The following NELL1 variants were observed in gnomAD, a reference collection of about 807,000 sequenced individuals.
NELL1 encodes the protein protein kinase C-binding protein NELL1.
NELL1 carries 76 observed loss-of-function variants against 107.4 expected under a neutral mutation model. The ratio of observed to expected loss-of-function variants is 0.71; its 90% CI spans 0.59 to 0.86. The LOEUF is 0.86. Ranked by LOEUF, NELL1 falls within the 40% of genes least tolerant of loss-of-function variation. NELL1 has a pLI of 0.00. For missense variants in NELL1, 1,024 were observed against 1,005.5 expected (o/e 1.02, Z -0.25); for synonymous variants, 353 against 341.2 (o/e 1.03, Z -0.38).
At chr11:21,225,970 G>A (rs1857882473) in intron 13 of NELL1, among the ~76,000 whole-genome samples, 3 of 152,132 alleles carry the variant, frequency 2.0e-5, no homozygotes, top group Admixed American at 2.0e-4. Flanking sequence ...CCTTGCAATT[G>A]GCAAACCAGG....
At chr11:21,337,789 T>TTTCTTTCTTTCTTTCC (rs1850453907) in intron 14 of NELL1, among the ~76,000 whole-genome samples, 1 of 134,582 alleles carries the variant, frequency 7.4e-6, no homozygotes, top group Non-Finnish European at 1.6e-5. Flanking sequence ...TCTTTCTTTC[T>TTTCTTTCTTTCTTTCC]TTCTTTCCTT....
chr11:20,957,912 G>A (rs1851211009), intron 11 of NELL1, among the ~76,000 whole-genome samples: 1 of 152,080 alleles, frequency 6.6e-6, no homozygotes, highest in African/African-American at 2.4e-5. Flanking sequence ...ATGAGAGCTT[G>A]AGAAGAAAGA....
intron 13 of NELL1, among the ~76,000 whole-genome samples, chr11:21,158,340 T>C (rs1856290670): frequency 6.6e-6 from 1 of 152,174 alleles, no homozygotes; most frequent in Non-Finnish European, 1.5e-5. Context: ...TCAATACTCC[T>C]CAATAAACTC....
intron 4 of NELL1, among the ~76,000 whole-genome samples, chr11:20,865,068 G>GTT (rs796669185): frequency 1.6e-4 from 25 of 152,312 alleles, no homozygotes; most frequent in African/African-American, 6.0e-4. Flanking sequence ...ATCCATGACA[G>GTT]TTTTGGGGGG....
In NELL1 at chr11:21,326,060, T is replaced by G. The variant is rs910435250; in HGVS notation, c.1550-44793T>G. On this transcript the variant is annotated intron_variant, in intron 14 of 19. Coordinates refer to ENST00000357134, the MANE Select transcript of NELL1 (RefSeq NM_006157.5). ...TTGTGTTAATCCTAGTTTTTTTTTTTTTTTTTTTTTTTTTTTTTTTTGGGC... is the reference window on the plus strand; with the variant it reads ...TTGTGTTAATCCTAGTTTTTTTTTTGTTTTTTTTTTTTTTTTTTTTTGGGC... 1.1e-3 allele frequency among the ~76,000 whole-genome samples: 86 copies of G among 81,686 alleles called. 2 individuals are homozygous for G. The highest frequency in any genetic ancestry group is 0.01 in the Middle Eastern group (2 of 196). 53.6% of individuals were successfully genotyped at this position (81,686 alleles called of 152,430 possible). A position where few individuals can be genotyped will look rare whatever the true frequency, so the allele number is the denominator to read the frequency against.
intron 10 of NELL1, among the ~76,000 whole-genome samples, chr11:20,938,936 C>CTGTG (rs1341026131): frequency 2.8e-4 from 12 of 42,418 alleles, no homozygotes; most frequent in African/African-American, 5.3e-4. Flanking sequence ...CTCTCTCTCT[C>CTGTG]TCTCTGTGTG....
chr11:20,904,568 C>G (rs1849951673), intron 5 of NELL1, among the ~76,000 whole-genome samples: 1 of 152,110 alleles, frequency 6.6e-6, no homozygotes. Context: ...CATTCAAAAT[C>G]ACCTGTGTGT....
At chr11:21,360,269 T>C (rs138574394) in intron 14 of NELL1, among the ~76,000 whole-genome samples, 43 of 152,278 alleles carry the variant, frequency 2.8e-4, no homozygotes, top group African/African-American at 9.9e-4. Context: ...CAAGAGCAGA[T>C]TATTTAATTT....
At chr11:20,744,566 T>C (rs1855962887) in intron 2 of NELL1, among the ~76,000 whole-genome samples, 1 of 152,178 alleles carries the variant, frequency 6.6e-6, no homozygotes, top group African/African-American at 2.4e-5. Flanking sequence ...TTTATAGTAG[T>C]TTAAGCTCAA....
chr11:21,481,342 T>C (rs1180794915), intron 15 of NELL1, among the ~76,000 whole-genome samples: 2 of 152,142 alleles, frequency 1.3e-5, no homozygotes, highest in Non-Finnish European at 2.9e-5. Context: ...AGCAGTGAAA[T>C]GATGAAAGTT....
At chr11:21,248,753 C>T (rs1417538461) in intron 14 of NELL1, among the ~76,000 whole-genome samples, 3 of 152,194 alleles carry the variant, frequency 2.0e-5, no homozygotes, top group Non-Finnish European at 4.4e-5. Flanking sequence ...AGCATTGGAA[C>T]TCATAACTTT....
chr11:21,260,253 A>AAC (rs1858871650), intron 14 of NELL1: 1 of 150,584 alleles, frequency 6.6e-6, no homozygotes, highest in Non-Finnish European at 1.5e-5. Flanking sequence ...TTAACAAGGT[A>AAC]ATAGGTAAGT....
chr11:20,980,095 A>G (rs1851719590), intron 12 of NELL1, among the ~76,000 whole-genome samples: 1 of 152,118 alleles, frequency 6.6e-6, no homozygotes, highest in Non-Finnish European at 1.5e-5. Flanking sequence ...AAGTTTTTTA[A>G]AAGTTTGAAA....
intron 12 of NELL1, among the ~76,000 whole-genome samples, chr11:20,984,954 T>G (rs1244781810): frequency 6.6e-6 from 1 of 152,200 alleles, no homozygotes; most frequent in Non-Finnish European, 1.5e-5. Context: ...TCTGACCAAG[T>G]TAGTGGTTTC....
intron 15 of NELL1, among the ~76,000 whole-genome samples, chr11:21,396,543 G>A (rs1851985070): frequency 6.6e-6 from 1 of 151,558 alleles, no homozygotes; most frequent in African/African-American, 2.4e-5. Flanking sequence ...CACGTCAATG[G>A]TTTCTGAGTA....
At chr11:20,923,871 G>A (rs1850433383) in intron 7 of NELL1, among the ~76,000 whole-genome samples, 2 of 152,006 alleles carry the variant, frequency 1.3e-5, no homozygotes, top group South Asian at 2.1e-4. Context: ...CTTTCATATA[G>A]CAAATGCCAA....
At chr11:21,120,987 T>C (rs1268122815) in intron 13 of NELL1, among the ~76,000 whole-genome samples, 3 of 152,112 alleles carry the variant, frequency 2.0e-5, no homozygotes, top group African/African-American at 7.2e-5. Context: ...ATCCTAATTC[T>C]TTATGGCAGA....
chr11:21,186,866 A>T (rs1363618747), intron 13 of NELL1, among the ~76,000 whole-genome samples: 1 of 151,976 alleles, frequency 6.6e-6, no homozygotes, highest in African/African-American at 2.4e-5. Flanking sequence ...ACAAACCCTC[A>T]ATCTGTTCTG....
intron 2 of NELL1, among the ~76,000 whole-genome samples, chr11:20,719,826 G>T (rs1396482706): frequency 6.6e-6 from 1 of 152,126 alleles, no homozygotes; most frequent in Non-Finnish European, 1.5e-5. Context: ...AATCAGCCAT[G>T]GTATGTACCA....
Sources: allele counts gnomAD v4.1 joint callset (sites outside exome capture counted in the v4.1 genomes callset), GRCh38; gene constraint gnomAD v4.1.1; transcripts MANE v1.5; gene names NCBI Gene and HGNC (gene_info 2026-07-23, HGNC 2026-07-21).